PCDHA3: variants seen among roughly 807,000 people sequenced by gnomAD.
PCDHA3 encodes the protein protocadherin alpha-3.
PCDHA3 carries 41 observed loss-of-function variants against 62.2 expected under a neutral mutation model. The observed-to-expected ratio is 0.66, with a 90% CI of 0.51 to 0.86. The LOEUF is 0.86. Ranked by LOEUF, PCDHA3 falls within the 40% of genes least tolerant of loss-of-function variation. PCDHA3 has a pLI of 0.00. For missense variants in PCDHA3, 1,304 were observed against 1,241.2 expected (o/e 1.05, Z -0.76); for synonymous variants, 640 against 555.4 (o/e 1.15, Z -2.14).
intron 1 of PCDHA3, chr5:140,927,638 G>A (rs781909639): frequency 1.2e-6 from 2 of 1,614,142 alleles, no homozygotes; most frequent in Admixed American, 1.7e-5. Context: ...GCACCCAATG[G>A]GACTGTGTTA....
intron 1 of PCDHA3, among the ~76,000 whole-genome samples, chr5:140,892,835 A>G (rs2063695508): frequency 6.6e-6 from 1 of 152,200 alleles, no homozygotes. Context: ...ACAGTGCTGC[A>G]AAACACCACA....
intron 1 of PCDHA3, chr5:140,823,394 G>C: frequency 6.2e-7 from 1 of 1,612,934 alleles, no homozygotes; most frequent in Non-Finnish European, 8.5e-7. Flanking sequence ...CGCGACGCGG[G>C]CGTGCCGCCT....
At chr5:140,998,008 T>C (rs1447849810) in intron 3 of PCDHA3, among the ~76,000 whole-genome samples, 6 of 152,128 alleles carry the variant, frequency 3.9e-5, no homozygotes, top group East Asian at 1.9e-4. Flanking sequence ...GAGCCTTCCA[T>C]CCCCACCTCG....
intron 1 of PCDHA3, chr5:140,967,642 C>T (rs1554229731): frequency 1.2e-6 from 2 of 1,614,164 alleles, no homozygotes. Flanking sequence ...ATGGTGAGCT[C>T]AGGTACTCCT....
At chr5:140,857,314 G>C in intron 1 of PCDHA3, 1 of 1,598,746 alleles carries the variant, frequency 6.3e-7, no homozygotes, top group Non-Finnish European at 8.6e-7. Flanking sequence ...CCTATGAGCT[G>C]GTGGTGACCG....
At chr5:140,827,938 A>G (rs1554130936) in intron 1 of PCDHA3, 1 of 1,127,878 alleles carries the variant, frequency 8.9e-7, no homozygotes, top group African/African-American at 1.6e-5. Flanking sequence ...AGTTATAGCT[A>G]GCCAACATTC....
chr5:140,856,566 C>A, intron 1 of PCDHA3: 2 of 1,597,240 alleles, frequency 1.3e-6, no homozygotes, highest in Non-Finnish European at 1.7e-6. Flanking sequence ...AAACTCAGTC[C>A]AAATGAGTAT....
intron 1 of PCDHA3, chr5:140,842,938 C>A: frequency 1.3e-6 from 2 of 1,594,552 alleles, no homozygotes; most frequent in East Asian, 2.2e-5. Context: ...GCGCGCGCGA[C>A]GCGGGCGTGC....
intron 1 of PCDHA3, among the ~76,000 whole-genome samples, chr5:140,921,258 G>C (rs537231615): frequency 6.6e-6 from 1 of 151,824 alleles, no homozygotes; most frequent in South Asian, 2.1e-4. Flanking sequence ...AAAAGTCCTA[G>C]ACTTTTATAC....
intron 1 of PCDHA3, chr5:140,969,002 T>C (rs201544118): frequency 8.1e-6 from 13 of 1,614,214 alleles, no homozygotes; most frequent in Non-Finnish European, 1.1e-5. Context: ...TGGAGGCTTC[T>C]GTGGAGTAAG....
chr5:140,827,820 A>G (rs2150149356), intron 1 of PCDHA3: 6 of 378,944 alleles, frequency 1.6e-5, no homozygotes, highest in Non-Finnish European at 2.8e-5. Context: ...AGGGTTTACT[A>G]TAAAAGTAGA....
At chr5:140,871,344 G>T in intron 1 of PCDHA3, 1 of 1,614,200 alleles carries the variant, frequency 6.2e-7, no homozygotes, top group Non-Finnish European at 8.5e-7. Context: ...TGGGGAGCTG[G>T]TCATACTCGC....
rs75040653 is a variant in PCDHA3 at position 140,982,339 on chromosome 5, T to G, written c.2454-136T>G. ...TGCAGGGTGACTGCTCAGCAGTAAT[T>G]GCTTCAGTTCAAGCATGAGCAGAAT... On this transcript the variant is annotated intron_variant, in intron 2 of 3. Transcript: ENST00000522353. The G allele has an allele frequency of 3.1e-3, 4,547 of 1,456,350 alleles. 58 individuals carry two copies. The East Asian group carries it at 0.042, about 14-fold the overall frequency. The allele number at this position is 1,456,350 out of a possible 1,614,324, so 90.2% of individuals were successfully genotyped here.
chr5:140,974,701 A>G (rs1299087234), intron 1 of PCDHA3, among the ~76,000 whole-genome samples: 2 of 152,012 alleles, frequency 1.3e-5, no homozygotes, highest in Non-Finnish European at 2.9e-5. Flanking sequence ...GGGTTTCACC[A>G]TGTTGTTCAA....
chr5:140,950,862 A>G (rs2094526538), intron 1 of PCDHA3, among the ~76,000 whole-genome samples: 1 of 151,952 alleles, frequency 6.6e-6, no homozygotes, highest in African/African-American at 2.4e-5. Context: ...ATATTCTTGT[A>G]TATTCTATAT....
At chr5:140,861,503 C>A in intron 1 of PCDHA3, 1 of 478,536 alleles carries the variant, frequency 2.1e-6, no homozygotes, top group Non-Finnish European at 4.3e-6. Context: ...TGATAGACCT[C>A]GAGGAGCTGT....
At chr5:140,821,186 GA>G (rs1457937016) in intron 1 of PCDHA3, among the ~76,000 whole-genome samples, 5 of 152,042 alleles carry the variant, frequency 3.3e-5, no homozygotes, top group African/African-American at 1.2e-4. Flanking sequence ...GACTAATACA[GA>G]AAAAACTCAA....
At chr5:140,967,652 T>A in intron 1 of PCDHA3, 1 of 1,614,152 alleles carries the variant, frequency 6.2e-7, no homozygotes, top group South Asian at 1.1e-5. Flanking sequence ...CAGGTACTCC[T>A]TGAGCAGCTA....
chr5:140,967,833 T>C, intron 1 of PCDHA3: 1 of 1,614,132 alleles, frequency 6.2e-7, no homozygotes, highest in Non-Finnish European at 8.5e-7. Context: ...GTGGACATCG[T>C]GGACGTGAAT....
Sources: allele counts gnomAD v4.1 joint callset (sites outside exome capture counted in the v4.1 genomes callset), GRCh38; gene constraint gnomAD v4.1.1; transcripts MANE v1.5; gene names NCBI Gene and HGNC (gene_info 2026-07-23, HGNC 2026-07-21).